MAP3K4: variants seen among roughly 807,000 people sequenced by gnomAD.
MAP3K4 encodes MAP three kinase 1.
Under a neutral mutation model 185.6 loss-of-function variants are expected in MAP3K4, and 67 were observed. That is an observed-to-expected ratio of 0.36 (90% CI 0.30 to 0.44). The LOEUF is 0.44. MAP3K4 is among the 20% of genes least tolerant of loss of function. The pLI is 1.00. For synonymous variants in MAP3K4, 702 were observed against 710.4 expected (o/e 0.99, Z 0.19); for missense variants, 1,551 against 1,995.1 (o/e 0.78, Z 4.24).
At chr6:161,027,612 A>C (rs1455094443) in intron 1 of MAP3K4, among the ~76,000 whole-genome samples, 4 of 152,174 alleles carry the variant, frequency 2.6e-5, no homozygotes, top group Non-Finnish European at 1.5e-5. Context: ...CAGAGAGTTG[A>C]CTCGGAACTT....
At chr6:161,018,739 A>T (rs1782230357) in intron 1 of MAP3K4, among the ~76,000 whole-genome samples, 1 of 152,236 alleles carries the variant, frequency 6.6e-6, no homozygotes, top group Admixed American at 6.5e-5. Flanking sequence ...AGTCAATAGT[A>T]ACAATCCTAG....
chr6:161,112,872 G>T lies in MAP3K4; in HGVS notation c.4626+98G>T. ...ATTGATTATTTATTACAAACACTGT[G>T]GACACTAAATAGCGAACGATATTAG... On this transcript the variant is annotated intron_variant, in intron 25 of 26. Transcript: ENST00000392142. This position sits in a 1 kb window ranked among gnomAD's most constrained non-coding sequence, Gnocchi z 5.1. 1 of 717,340 alleles carries T rather than the reference G, an allele frequency of 1.4e-6. No individual in the cohort carries two copies. The allele number at this position is 717,340 out of a possible 1,614,324, so 44.4% of individuals were successfully genotyped here. A position where few individuals can be genotyped will look rare whatever the true frequency, so the allele number is the denominator to read the frequency against.
chr6:161,077,149 G>A lies in MAP3K4; in HGVS notation c.2097+3537G>A, dbSNP rs527804530. ...GTAATAAGAGATTGTTTTAAAAAGC[G>A]TATAGACTAGAAGGAAATGTGCTCA... On this transcript the variant is annotated intron_variant, in intron 5 of 26. Transcript: ENST00000392142. The surrounding 1 kb of genome is among the most constrained non-coding windows in gnomAD (Gnocchi z 4.3). Among the ~76,000 whole-genome samples, 26 of 152,052 alleles carry A rather than the reference G, an allele frequency of 1.7e-4. No homozygotes were observed. Among genetic ancestry groups the A allele is most frequent in the South Asian group, 1.0e-3 (5 of 4,824 alleles).
rs1318389346 is a variant in MAP3K4 at position 160,996,407 on chromosome 6, G to C, written c.152+4324G>C. Among the ~76,000 whole-genome samples, 1 of 152,132 alleles carries C rather than the reference G, an allele frequency of 6.6e-6. No homozygotes were observed. The highest frequency in any genetic ancestry group is 2.4e-5 in the African/African-American group (1 of 41,434). On this transcript the variant is annotated intron_variant, in intron 1 of 26. Transcript: ENST00000392142. The surrounding 1 kb of genome is among the most constrained non-coding windows in gnomAD (Gnocchi z 4.5). ...GCTCTCATGGTGTCCTGCAAATCTT[G>C]TTCTGAGCTCTGCTGAAATACGGGG...
At chr6:161,032,840 T>G (rs1224801814) in intron 1 of MAP3K4, among the ~76,000 whole-genome samples, 1 of 152,200 alleles carries the variant, frequency 6.6e-6, no homozygotes, top group Non-Finnish European at 1.5e-5. Context: ...TGGTTTGAAG[T>G]TAGCTTTCAG....
At position 161,086,178 on chromosome 6, in the gene MAP3K4, A is replaced by G. The variant is rs953767840; in HGVS notation, c.2373-201A>G. ...CCCTGCTTACATTGAAAGGATATGAATATTTTCTACAAAACTGTCAGGAGC... is the reference window on the plus strand; with the variant it reads ...CCCTGCTTACATTGAAAGGATATGAGTATTTTCTACAAAACTGTCAGGAGC... On this transcript the variant is annotated intron_variant, in intron 7 of 26. Transcript: ENST00000392142. This position sits in a 1 kb window ranked among gnomAD's most constrained non-coding sequence, Gnocchi z 4.8. Among the ~76,000 whole-genome samples, 2 of 152,212 alleles carry G rather than the reference A, an allele frequency of 1.3e-5. No homozygotes were observed. Among genetic ancestry groups the G allele is most frequent in the African/African-American group, 2.4e-5 (1 of 41,446 alleles).
At chr6:161,047,430 C>G (rs753634320) in intron 2 of MAP3K4, among the ~76,000 whole-genome samples, 1 of 151,932 alleles carries the variant, frequency 6.6e-6, no homozygotes, top group Non-Finnish European at 1.5e-5. Flanking sequence ...AAAATATTGG[C>G]AAATATGTCC....
At chr6:161,102,379 T>C (rs1178129699) in intron 18 of MAP3K4, among the ~76,000 whole-genome samples, 3 of 152,224 alleles carry the variant, frequency 2.0e-5, no homozygotes, top group African/African-American at 7.2e-5. Flanking sequence ...CTGCTTCCAT[T>C]GGAGTAGGGC....
At chr6:160,995,962 A>G (rs576335620) in intron 1 of MAP3K4, among the ~76,000 whole-genome samples, 1 of 152,208 alleles carries the variant, frequency 6.6e-6, no homozygotes, top group African/African-American at 2.4e-5. Flanking sequence ...AACTTTTTTT[A>G]AAAAATGAAT....
chr6:161,108,619 T>C lies in MAP3K4; in HGVS notation c.4120-124T>C, dbSNP rs941103360. On this transcript the variant is annotated intron_variant, in intron 21 of 26. Transcript: ENST00000392142. The surrounding 1 kb of genome is among the most constrained non-coding windows in gnomAD (Gnocchi z 5.7). Reference sequence around the variant, plus strand: ...ACTTCCTTTTTACTTAATTTTTTGTTGTTTTTAATTGACAAATCATGATTA... The same window carrying C: ...ACTTCCTTTTTACTTAATTTTTTGTCGTTTTTAATTGACAAATCATGATTA... 5 of 671,014 alleles carry C rather than the reference T, an allele frequency of 7.5e-6. No homozygotes were observed. Among genetic ancestry groups the C allele is most frequent in the African/African-American group, 3.6e-5 (2 of 54,946 alleles). 41.6% of individuals were successfully genotyped at this position (671,014 alleles called of 1,614,324 possible). A position where few individuals can be genotyped will look rare whatever the true frequency, so the allele number is the denominator to read the frequency against.
rs1785701728 is a variant in MAP3K4, at chr6:161,086,135, T to C, written c.2373-244T>C. Among the ~76,000 whole-genome samples the C allele has an allele frequency of 6.6e-6, 1 of 152,218 alleles. No individual in the cohort carries two copies. Among genetic ancestry groups the C allele is most frequent in the African/African-American group, 2.4e-5 (1 of 41,454 alleles). The stretch of plus-strand genomic sequence containing the variant: ...TAAGAAAATTGAGCTTCCTATTATT[T>C]GAAGGTTATTAAATGTGCCCTGCTT... On this transcript the variant is annotated intron_variant, in intron 7 of 26. Transcript: ENST00000392142. The surrounding 1 kb of genome is among the most constrained non-coding windows in gnomAD (Gnocchi z 4.8).
chr6:160,993,747 A>C (rs996042726), intron 1 of MAP3K4, among the ~76,000 whole-genome samples: 3 of 152,226 alleles, frequency 2.0e-5, no homozygotes, highest in East Asian at 1.9e-4. Context: ...AAAAAAAAAA[A>C]AAACTTGACT....
chr6:161,093,932 A>C lies in MAP3K4; in HGVS notation c.3427+81A>C. 1 of 1,073,752 alleles carries C rather than the reference A, an allele frequency of 9.3e-7. No individual in the cohort carries two copies. Among genetic ancestry groups the C allele is most frequent in the East Asian group, 2.4e-5 (1 of 41,904 alleles). 66.5% of individuals were successfully genotyped at this position (1,073,752 alleles called of 1,614,324 possible). A position where few individuals can be genotyped will look rare whatever the true frequency, so the allele number is the denominator to read the frequency against. ...TCCTCTTGTAATTGCAGTCGTTTAAAATGGTATAAGAGGTGTTTTAACAGT... is the reference window on the plus strand; with the variant it reads ...TCCTCTTGTAATTGCAGTCGTTTAACATGGTATAAGAGGTGTTTTAACAGT... On this transcript the variant is annotated intron_variant, in intron 15 of 26. Coordinates refer to ENST00000392142, the MANE Select transcript of MAP3K4 (RefSeq NM_005922.4). The surrounding 1 kb of genome is among the most constrained non-coding windows in gnomAD (Gnocchi z 5.2).
chr6:161,108,044 G>A lies in MAP3K4; in HGVS notation c.4119+75G>A, dbSNP rs57850413. On this transcript the variant is annotated intron_variant, in intron 21 of 26. Transcript: ENST00000392142. The surrounding 1 kb of genome is among the most constrained non-coding windows in gnomAD (Gnocchi z 5.7). ...TAGAAATTCCGTATAGACGCTGGTC[G>A]TGATTCAGTTCTCTGTGCGTAGAGC... The A allele has an allele frequency of 1.6e-5, 21 of 1,342,684 alleles. No homozygotes were observed. Among genetic ancestry groups the A allele is most frequent in the Admixed American group, 3.7e-5 (2 of 54,230 alleles). 83.2% of individuals were successfully genotyped at this position (1,342,684 alleles called of 1,614,324 possible).
intron 1 of MAP3K4, among the ~76,000 whole-genome samples, chr6:161,010,514 A>G (rs1781797480): frequency 6.6e-6 from 1 of 152,138 alleles, no homozygotes; most frequent in African/African-American, 2.4e-5. Context: ...TTAAAAGTTC[A>G]CTTAAAAATC....
At chr6:161,005,564 A>G (rs1450088643) in intron 1 of MAP3K4, among the ~76,000 whole-genome samples, 1 of 152,176 alleles carries the variant, frequency 6.6e-6, no homozygotes. Context: ...AGACCTTGGA[A>G]ATTATCTTCA....
At chr6:161,057,337 C>T (rs1487391912) in intron 3 of MAP3K4, among the ~76,000 whole-genome samples, 1 of 152,094 alleles carries the variant, frequency 6.6e-6, no homozygotes, top group Admixed American at 6.5e-5. Flanking sequence ...ACTCAACAAC[C>T]CTGTGAGGTG....
In MAP3K4 at chr6:161,096,833, C is replaced by T. The variant is rs879467114; in HGVS notation, c.3428-247C>T. ...TAGCTTACATTATGTATGTTTTACT[C>T]CAGGATTTTTAAAAATGTTTTTTGA... On this transcript the variant is annotated intron_variant, in intron 15 of 26. Transcript: ENST00000392142. The surrounding 1 kb of genome is among the most constrained non-coding windows in gnomAD (Gnocchi z 4.9). The T allele has an allele frequency of 7.6e-6, 3 of 395,704 alleles. No individual in the cohort carries two copies. Among genetic ancestry groups the T allele is most frequent in the Non-Finnish European group, 1.4e-5 (3 of 219,804 alleles). The allele number at this position is 395,704 out of a possible 1,614,324, so 24.5% of individuals were successfully genotyped here.
chr6:161,069,838 T>C (rs1784859783), intron 3 of MAP3K4, among the ~76,000 whole-genome samples: 1 of 151,288 alleles, frequency 6.6e-6, no homozygotes, highest in Non-Finnish European at 1.5e-5. Context: ...AGAAGGTGGG[T>C]GAGGACCAAA....
Sources: gnomAD v4.1 joint callset for allele counts (sites outside exome capture counted in the v4.1 genomes callset) on GRCh38, gnomAD v4.1.1 for gene constraint, Gnocchi (gnomAD v3.1) non-coding constraint, MANE v1.5 for transcripts, NCBI Gene and HGNC (gene_info 2026-07-23, HGNC 2026-07-21) for gene names.